Variants in GPLD1 observed in about 807,000 individuals in gnomAD.
The protein encoded by GPLD1 is glycosylphosphatidylinositol specific phospholipase D1.
GPLD1 carries 84 observed loss-of-function variants against 112.6 expected under a neutral mutation model. The observed-to-expected ratio is 0.75, with a 90% CI of 0.63 to 0.89. The LOEUF (loss-of-function observed/expected upper bound fraction) is 0.89, where lower values mean the gene tolerates loss of function less well. Ranked by LOEUF, GPLD1 falls within the 40% of genes least tolerant of loss-of-function variation. GPLD1 has a pLI of 0.00. For missense variants in GPLD1, 1,044 were observed against 1,051.5 expected (o/e 0.99, Z 0.10); for synonymous variants, 386 against 403.8 (o/e 0.96, Z 0.53).
At chr6:24,447,005 A>C (rs376136650) in intron 17 of GPLD1, 26 bp from the exon 18 acceptor site, 1 of 1,604,116 alleles carries the variant, frequency 6.2e-7, no homozygotes, top group Non-Finnish European at 8.5e-7. Flanking sequence ...CATCCTTTTT[A>C]CTAATACTTT....
intron 24 of GPLD1, among the ~76,000 whole-genome samples, chr6:24,431,501 A>T (rs551865680): frequency 3.6e-4 from 54 of 152,008 alleles, no homozygotes; most frequent in African/African-American, 1.3e-3. Flanking sequence ...GGATGAATGC[A>T]ATCAGTGGTT....
intron 13 of GPLD1, among the ~76,000 whole-genome samples, chr6:24,454,927 G>A (rs9467171): frequency 0.24 from 36,952 of 152,084 alleles, 4,719 homozygotes; most frequent in Non-Finnish European, 0.27. Context: ...TCAGGAGTTC[G>A]ATACCAGCCT....
intron 22 of GPLD1, among the ~76,000 whole-genome samples, chr6:24,434,837 C>CAAAAAAAAAAAAAAA (rs747085341): frequency 2.7e-4 from 18 of 65,460 alleles, no homozygotes; most frequent in African/African-American, 8.9e-4. Context: ...GACTCCGTCT[C>CAAAAAAAAAAAAAAA]AAAAAAAAAA....
intron 1 of GPLD1, among the ~76,000 whole-genome samples, chr6:24,488,468 T>G (rs57186149): frequency 0.078 from 11,842 of 151,670 alleles, 1,323 homozygotes; most frequent in African/African-American, 0.25. Context: ...AATCTGAAAA[T>G]TGCTGTAGAA....
At chr6:24,433,709 G>A (rs941104352) in intron 22 of GPLD1, among the ~76,000 whole-genome samples, 7 of 151,524 alleles carry the variant, frequency 4.6e-5, no homozygotes, top group African/African-American at 1.5e-4. Context: ...TGGCCAGGCC[G>A]GTCTCGAACT....
chr6:24,468,565 T>TTA (rs1382938337), intron 7 of GPLD1, among the ~76,000 whole-genome samples: 10 of 152,042 alleles, frequency 6.6e-5, no homozygotes, highest in East Asian at 1.9e-4. Flanking sequence ...ATTTTTATTT[T>TTA]TTTTTTGAGA....
chr6:24,454,246 G>C (rs1763194826), intron 13 of GPLD1, 45 bp from the exon 14 acceptor site: 2 of 1,394,244 alleles, frequency 1.4e-6, no homozygotes, highest in South Asian at 2.9e-5. Context: ...CTGAGCACTA[G>C]GGTTAAAGCT....
intron 20 of GPLD1, among the ~76,000 whole-genome samples, chr6:24,443,823 A>C (rs1186809020): frequency 6.6e-6 from 1 of 151,996 alleles, no homozygotes; most frequent in Non-Finnish European, 1.5e-5. Context: ...GGAGCGTGCC[A>C]CTATGCCTGG....
intron 14 of GPLD1, among the ~76,000 whole-genome samples, chr6:24,451,050 T>C (rs1189011848): frequency 1.3e-5 from 2 of 152,238 alleles, no homozygotes; most frequent in African/African-American, 2.4e-5. Flanking sequence ...ACATTTCAAA[T>C]GTTCAAAGCC....
At chr6:24,458,248 G>T (rs932636186) in intron 12 of GPLD1, among the ~76,000 whole-genome samples, 1 of 152,102 alleles carries the variant, frequency 6.6e-6, no homozygotes, top group South Asian at 2.1e-4. Context: ...AAAAGCACAG[G>T]GTCTGAGGAT....
chr6:24,453,347 A>C (rs983410672), intron 14 of GPLD1, among the ~76,000 whole-genome samples: 1 of 152,178 alleles, frequency 6.6e-6, no homozygotes, highest in Non-Finnish European at 1.5e-5. Context: ...TGTGAATCTA[A>C]AATTCTGGAC....
rs376914429 is a variant in GPLD1 at position 24,466,715 on chromosome 6, G to C, written c.786C>G (p.Tyr262Ter). ...TCTCCAACATGAAGCTTGTTAGATGGTAAATATTAGTGGACCAAAATGCCA... is the reference window on the plus strand; with the variant it reads ...TCTCCAACATGAAGCTTGTTAGATGCTAAATATTAGTGGACCAAAATGCCA... ...DDMAFWSTNI[Y>*]HLTSFMLENG... is the part of the protein sequence containing the mutation. The change falls in exon 10 of 25, where the codon TAC (tyrosine) becomes TAG (stop). Residue 262 changes from tyrosine to a stop codon, truncating the protein, a stop_gained. Coordinates refer to ENST00000230036, the MANE Select transcript of GPLD1 (RefSeq NM_001503.4). LOFTEE classifies it high-confidence loss of function. 1 of 1,612,068 alleles carries C rather than the reference G, an allele frequency of 6.2e-7. No individual in the cohort carries two copies. The highest frequency in any genetic ancestry group is 1.1e-5 in the South Asian group (1 of 91,016).
downstream of GPLD1, chr6:24,425,023 G>A (rs992964798): frequency 2.6e-5 from 4 of 152,248 alleles, no homozygotes; most frequent in Admixed American, 6.5e-5. Context: ...GGCTAGACTC[G>A]AGCACGCAGT....
At chr6:24,456,762 A>G (rs1272947214) in intron 12 of GPLD1, 125 bp from the exon 13 acceptor site, 2 of 600,978 alleles carry the variant, frequency 3.3e-6, no homozygotes, top group African/African-American at 3.7e-5. Flanking sequence ...AAACAATAAA[A>G]TAAAACATTA....
At chr6:24,474,104 C>A (rs184780905) in intron 5 of GPLD1, among the ~76,000 whole-genome samples, 31 of 151,108 alleles carry the variant, frequency 2.1e-4, no homozygotes, top group African/African-American at 7.1e-4. Flanking sequence ...CCAACCTGAG[C>A]AACAAGAGTG....
chr6:24,448,334 C>T (rs1269402705), intron 15 of GPLD1, 126 bp from the exon 16 acceptor site: 4 of 403,434 alleles, frequency 9.9e-6, no homozygotes, highest in South Asian at 2.9e-5. Flanking sequence ...AATCCCAGTG[C>T]TTTGGGAGGC....
In GPLD1 at chr6:24,454,242, A is replaced by G. The variant is rs756957840; in HGVS notation, c.1149-41T>C. 64 of 1,456,756 alleles carry G rather than the reference A, an allele frequency of 4.4e-5. 1 individual carries two copies. Among genetic ancestry groups the G allele is most frequent in the South Asian group, 1.7e-4 (13 of 75,728 alleles). 90.2% of individuals were successfully genotyped at this position (1,456,756 alleles called of 1,614,324 possible). A position where few individuals can be genotyped will look rare whatever the true frequency, so the allele number is the denominator to read the frequency against. On this transcript the variant is annotated intron_variant, in intron 13 of 24. Coordinates refer to ENST00000230036, the MANE Select transcript of GPLD1 (RefSeq NM_001503.4). ...GGACCCACCATGGTATGCACTGAGC[A>G]CTAGGGTTAAAGCTGTCGCCTGCTT...
intron 17 of GPLD1, 81 bp from the exon 18 acceptor site, chr6:24,447,060 G>T: frequency 7.6e-7 from 1 of 1,320,284 alleles, no homozygotes; most frequent in Non-Finnish European, 1.1e-6. Flanking sequence ...CCTTCTCGTA[G>T]CCTAATAGAA....
At chr6:24,458,877 C>CAAA (rs71757341) in intron 12 of GPLD1, among the ~76,000 whole-genome samples, 1 of 143,092 alleles carries the variant, frequency 7.0e-6, no homozygotes, top group Non-Finnish European at 1.5e-5. Context: ...GACTCTGTCT[C>CAAA]AAAAAAAAAA....
Sources: allele counts gnomAD v4.1 joint callset (sites outside exome capture counted in the v4.1 genomes callset), GRCh38; gene constraint gnomAD v4.1.1; transcripts MANE v1.5; gene names NCBI Gene and HGNC (gene_info 2026-07-23, HGNC 2026-07-21).